The following JAM3 variants were observed in gnomAD, a reference collection of about 807,000 sequenced individuals.
The protein encoded by JAM3 is junctional adhesion molecule C.
JAM3 carries 31 observed loss-of-function variants against 39.4 expected under a neutral mutation model. That is an observed-to-expected ratio of 0.79 (90% CI 0.59 to 1.06). The LOEUF (loss-of-function observed/expected upper bound fraction) is 1.06, where lower values mean the gene tolerates loss of function less well. JAM3 is among the 50% of genes least tolerant of loss of function. The pLI, the probability that JAM3 is intolerant of heterozygous loss-of-function variation, is 0.00. For synonymous variants in JAM3, 182 were observed against 148.7 expected (o/e 1.22, Z -1.63); for missense variants, 455 against 391.4 (o/e 1.16, Z -1.37).
At chr11:134,135,216 C>T (rs902540367) in intron 1 of JAM3, among the ~76,000 whole-genome samples, 1 of 152,208 alleles carries the variant, frequency 6.6e-6, no homozygotes, top group Non-Finnish European at 1.5e-5. Context: ...AAGGGTCTAA[C>T]TTCATCATTG....
chr11:134,083,287 T>C (rs1295062547), intron 1 of JAM3, among the ~76,000 whole-genome samples: 1 of 152,018 alleles, frequency 6.6e-6, no homozygotes, highest in East Asian at 1.9e-4. Flanking sequence ...AGCAGATCGC[T>C]CCCTCCCTTT....
At chr11:134,071,623 G>T (rs1035942283) in intron 1 of JAM3, among the ~76,000 whole-genome samples, 1 of 152,144 alleles carries the variant, frequency 6.6e-6, no homozygotes, top group African/African-American at 2.4e-5. Flanking sequence ...AACAGCAACA[G>T]TTTTCATTCT....
At chr11:134,102,047 C>T (rs1031145764) in intron 1 of JAM3, among the ~76,000 whole-genome samples, 1 of 152,160 alleles carries the variant, frequency 6.6e-6, no homozygotes, top group Non-Finnish European at 1.5e-5. Context: ...AAGTGAGACC[C>T]TGTCTGTAAA....
intron 1 of JAM3, among the ~76,000 whole-genome samples, chr11:134,090,020 A>G: frequency 6.6e-6 from 1 of 152,204 alleles, no homozygotes; most frequent in Admixed American, 6.5e-5. Context: ...GTGAGATGGT[A>G]TCTCACTGTG....
chr11:134,142,972 T>C (rs940379907), intron 3 of JAM3, among the ~76,000 whole-genome samples: 3 of 152,242 alleles, frequency 2.0e-5, no homozygotes, highest in African/African-American at 4.8e-5. Context: ...ATTGTAGATA[T>C]ACCACATTAT....
Position 134,116,095 on chromosome 11 carries a change from A to G in JAM3, c.77-23756A>G, listed in dbSNP as rs781237290. The stretch of plus-strand genomic sequence containing the variant: ...TCTTTTTCCCTTTCTATTTTTTAGG[A>G]GTTCAGCCCACACTCAAGGAGATGG... On this transcript the variant is annotated intron_variant, in intron 1 of 8. Coordinates refer to ENST00000299106, the MANE Select transcript of JAM3 (RefSeq NM_032801.5). Among the ~76,000 whole-genome samples the G allele has an allele frequency of 4.6e-5, 7 of 152,200 alleles. No homozygotes were observed. In the South Asian group the frequency reaches 1.5e-3, roughly 32 times the overall value.
At position 134,123,391 on chromosome 11, in the gene JAM3, A is replaced by C. The variant is rs12362961; in HGVS notation, c.77-16460A>C. Among the ~76,000 whole-genome samples, 813 of 151,708 alleles carry C rather than the reference A, an allele frequency of 5.4e-3. 8 individuals carry two copies. Among genetic ancestry groups the C allele is most frequent in the African/African-American group, 0.018 (759 of 41,482 alleles). On this transcript the variant is annotated intron_variant, in intron 1 of 8. Transcript: ENST00000299106. ...AATACACCACCACCCCCCCCCCCCC[A>C]AAAAAGGGAAAAAGATCCCACCACA...
intron 1 of JAM3, among the ~76,000 whole-genome samples, chr11:134,100,917 A>G (rs751131482): frequency 1.6e-4 from 25 of 152,206 alleles, no homozygotes; most frequent in Middle Eastern, 3.2e-3. Flanking sequence ...TTTTTTGAGT[A>G]AAAAAGTGAA....
chr11:134,070,350 G>A (rs1941467766), intron 1 of JAM3: 1 of 392,968 alleles, frequency 2.5e-6, no homozygotes, highest in Admixed American at 3.1e-5. Context: ...ATCCCATGAT[G>A]TTTTCCAGAA....
intron 1 of JAM3, among the ~76,000 whole-genome samples, chr11:134,108,526 A>G (rs539472186): frequency 3.3e-5 from 5 of 152,356 alleles, no homozygotes; most frequent in Non-Finnish European, 4.4e-5. Context: ...AAAAATTTCA[A>G]ACAAAATCTT....
chr11:134,075,982 A>G (rs1452329697), intron 1 of JAM3, among the ~76,000 whole-genome samples: 1 of 151,860 alleles, frequency 6.6e-6, no homozygotes, highest in African/African-American at 2.4e-5. Context: ...TTTGTTTTAC[A>G]GCTAACTTTT....
intron 1 of JAM3, among the ~76,000 whole-genome samples, chr11:134,116,831 A>G (rs2120753035): frequency 6.6e-6 from 1 of 152,312 alleles, no homozygotes; most frequent in Admixed American, 6.5e-5. Context: ...CTATGTTAAA[A>G]TAAACATTAG....
At chr11:134,137,243 C>T (rs1565502379) in intron 1 of JAM3, among the ~76,000 whole-genome samples, 1 of 152,102 alleles carries the variant, frequency 6.6e-6, no homozygotes, top group East Asian at 1.9e-4. Context: ...TTTAGTTTAC[C>T]TTCCAAGTTT....
chr11:134,103,556 A>G (rs1036693088), intron 1 of JAM3, among the ~76,000 whole-genome samples: 1 of 152,240 alleles, frequency 6.6e-6, no homozygotes, highest in Non-Finnish European at 1.5e-5. Context: ...CAATTAAAAG[A>G]CACAGTCTGG....
At chr11:134,125,374 G>A (rs1942627645) in intron 1 of JAM3, among the ~76,000 whole-genome samples, 1 of 152,138 alleles carries the variant, frequency 6.6e-6, no homozygotes, top group Non-Finnish European at 1.5e-5. Flanking sequence ...TCAAACAATG[G>A]GATCTCCTTT....
chr11:134,076,669 C>G (rs1941575757), intron 1 of JAM3, among the ~76,000 whole-genome samples: 1 of 151,820 alleles, frequency 6.6e-6, no homozygotes, highest in African/African-American at 2.4e-5. Context: ...TCTCTTTTTT[C>G]TATTGGTGTG....
intron 1 of JAM3, among the ~76,000 whole-genome samples, chr11:134,101,088 C>A (rs908507205): frequency 6.6e-6 from 1 of 152,172 alleles, no homozygotes; most frequent in Non-Finnish European, 1.5e-5. Flanking sequence ...AAACAGCCAG[C>A]ATGGGGTAAC....
At chr11:134,093,345 A>G (rs1941910231) in intron 1 of JAM3, among the ~76,000 whole-genome samples, 1 of 125,930 alleles carries the variant, frequency 7.9e-6, no homozygotes, top group Non-Finnish European at 1.6e-5. Flanking sequence ...CCCTGAGGGA[A>G]GCTTCTCCTG....
At chr11:134,082,549 A>T (rs1489587234) in intron 1 of JAM3, among the ~76,000 whole-genome samples, 4 of 152,052 alleles carry the variant, frequency 2.6e-5, no homozygotes, top group Non-Finnish European at 4.4e-5. Context: ...GTTTTATGAG[A>T]TCTGATGGTT....
Sources: allele counts gnomAD v4.1 joint callset (sites outside exome capture counted in the v4.1 genomes callset), GRCh38; gene constraint gnomAD v4.1.1; transcripts MANE v1.5; gene names NCBI Gene and HGNC (gene_info 2026-07-23, HGNC 2026-07-21).